PPP2R2B: variants seen among roughly 807,000 people sequenced by gnomAD.
The protein encoded by PPP2R2B is serine/threonine-protein phosphatase 2A 55 kDa regulatory subunit B beta isoform.
Under a neutral mutation model 46.0 loss-of-function variants are expected in PPP2R2B, and 5 were observed. The ratio of observed to expected loss-of-function variants is 0.11; its 90% CI spans 0.06 to 0.23. The LOEUF (loss-of-function observed/expected upper bound fraction) is 0.23, where lower values mean the gene tolerates loss of function less well. PPP2R2B is among the 10% of genes least tolerant of loss of function. The probability of loss-of-function intolerance (pLI) is 1.00; values close to 1 mark genes in which losing one functional copy is unlikely to be tolerated. For synonymous variants in PPP2R2B, 215 were observed against 206.7 expected, an observed-to-expected ratio of 1.04 and a Z score of -0.34; for missense variants, 367 against 575.0, an observed-to-expected ratio of 0.64 and a Z score of 3.70.
upstream of PPP2R2B, among the ~76,000 whole-genome samples, chr5:146,883,304 A>T (rs10035709): frequency 2.0e-3 from 299 of 152,322 alleles, 1 homozygote; most frequent in African/African-American, 6.8e-3. Flanking sequence ...TTTGGCTCAG[A>T]GCCAGCCTTC....
In PPP2R2B at chr5:147,054,484, T is replaced by TA. The variant is rs5872003; in HGVS notation, c.79+1180dup. 1.5e-4 allele frequency: 51 copies of TA among 344,404 alleles called. 1 individual carries two copies. The highest frequency in any genetic ancestry group is 1.1e-3 in the Admixed American group (30 of 28,412). The allele number at this position is 344,404 out of a possible 1,614,324, so 21.3% of individuals were successfully genotyped here. A position where few individuals can be genotyped will look rare whatever the true frequency, so the allele number is the denominator to read the frequency against. On this transcript the variant is annotated intron_variant, in intron 1 of 8. Transcript: ENST00000336640. ...ATTTTTAAAGGGAAATGTCCAACTG[T>TA]AAAAAAAAAGTCCATGAGATATCAA...
At chr5:146,665,268 TG>T (rs1362205610) in intron 5 of PPP2R2B, among the ~76,000 whole-genome samples, 7 of 152,228 alleles carry the variant, frequency 4.6e-5, no homozygotes, top group Non-Finnish European at 8.8e-5. Context: ...GAAGCTCTGT[TG>T]TTTAGTGTAG....
At chr5:146,622,315 T>C (rs573111689) in intron 7 of PPP2R2B, among the ~76,000 whole-genome samples, 15 of 152,352 alleles carry the variant, frequency 9.8e-5, no homozygotes, top group African/African-American at 2.4e-4. Flanking sequence ...AGACATTTCA[T>C]TGAATCTGCA....
At chr5:146,888,812 C>G (rs1191428631) in intron 1 of PPP2R2B, among the ~76,000 whole-genome samples, 2 of 152,194 alleles carry the variant, frequency 1.3e-5, no homozygotes, top group Non-Finnish European at 2.9e-5. Flanking sequence ...CTTATGTTCC[C>G]TCTCTTTCAG....
At chr5:146,953,156 A>G (rs992086673) in intron 1 of PPP2R2B, among the ~76,000 whole-genome samples, 8 of 152,208 alleles carry the variant, frequency 5.3e-5, no homozygotes, top group African/African-American at 4.8e-5. Flanking sequence ...AGAAATGCAC[A>G]TGAATCTGCA....
At chr5:146,677,946 G>C (rs1435632149) in intron 5 of PPP2R2B, among the ~76,000 whole-genome samples, 2 of 152,132 alleles carry the variant, frequency 1.3e-5, no homozygotes, top group Non-Finnish European at 2.9e-5. Flanking sequence ...ATAAGTGGCA[G>C]GTAAGATTAA....
chr5:146,955,452 T>C (rs1443006936), intron 1 of PPP2R2B, among the ~76,000 whole-genome samples: 1 of 152,218 alleles, frequency 6.6e-6, no homozygotes, highest in Non-Finnish European at 1.5e-5. Flanking sequence ...TTTTAAATTG[T>C]TCTGTAATGA....
At chr5:147,048,140 C>T (rs1216871349) in intron 1 of PPP2R2B, among the ~76,000 whole-genome samples, 1 of 152,070 alleles carries the variant, frequency 6.6e-6, no homozygotes, top group Non-Finnish European at 1.5e-5. Context: ...GAGTTGTGTG[C>T]GTATGCATTT....
intron 2 of PPP2R2B, among the ~76,000 whole-genome samples, chr5:146,802,588 C>T (rs1037773463): frequency 3.9e-5 from 6 of 152,124 alleles, no homozygotes; most frequent in Admixed American, 1.3e-4. Flanking sequence ...CAAATAGGCA[C>T]ATTTCAGCTT....
chr5:146,609,163 A>C (rs1772596964), intron 7 of PPP2R2B, among the ~76,000 whole-genome samples: 1 of 152,216 alleles, frequency 6.6e-6, no homozygotes, highest in African/African-American at 2.4e-5. Flanking sequence ...AATGAAGGAG[A>C]AAAACCCTCA....
intron 5 of PPP2R2B, among the ~76,000 whole-genome samples, chr5:146,686,809 C>T (rs533216857): frequency 4.6e-5 from 7 of 152,224 alleles, no homozygotes; most frequent in African/African-American, 1.7e-4. Context: ...GATTTCTCAC[C>T]ACCCAACTTC....
chr5:146,979,929 G>C (rs1753089847), intron 1 of PPP2R2B, among the ~76,000 whole-genome samples: 1 of 152,102 alleles, frequency 6.6e-6, no homozygotes, highest in East Asian at 1.9e-4. Flanking sequence ...AACCATGGCA[G>C]ATAAAAGGAG....
chr5:146,904,922 T>C (rs1582396628), intron 1 of PPP2R2B, among the ~76,000 whole-genome samples: 3 of 152,206 alleles, frequency 2.0e-5, no homozygotes, highest in South Asian at 4.1e-4. Context: ...AAGGAACTTA[T>C]ATTCAGCCTA....
At chr5:146,947,844 T>C (rs1045098518) in intron 1 of PPP2R2B, among the ~76,000 whole-genome samples, 7 of 151,802 alleles carry the variant, frequency 4.6e-5, no homozygotes, top group Non-Finnish European at 8.8e-5. Flanking sequence ...TTGCTTATGC[T>C]ACCACTTCAT....
At chr5:146,900,259 A>G (rs555355069) in intron 1 of PPP2R2B, among the ~76,000 whole-genome samples, 9 of 152,328 alleles carry the variant, frequency 5.9e-5, no homozygotes, top group Admixed American at 2.6e-4. Flanking sequence ...GTCAGAAAAC[A>G]TACCTGAGCC....
At chr5:146,665,284 C>A (rs771551485) in intron 5 of PPP2R2B, among the ~76,000 whole-genome samples, 6 of 152,186 alleles carry the variant, frequency 3.9e-5, no homozygotes, top group Non-Finnish European at 5.9e-5. Flanking sequence ...GTGTAGCCAC[C>A]GCCACCCATG....
intron 2 of PPP2R2B, among the ~76,000 whole-genome samples, chr5:146,841,024 T>A (rs1229152595): frequency 6.6e-6 from 1 of 151,928 alleles, no homozygotes; most frequent in African/African-American, 2.4e-5. Flanking sequence ...TGAACTAGAG[T>A]CTCTAATGTA....
intron 5 of PPP2R2B, among the ~76,000 whole-genome samples, chr5:146,659,397 G>A (rs971307006): frequency 5.3e-5 from 8 of 152,114 alleles, no homozygotes; most frequent in Admixed American, 3.9e-4. Flanking sequence ...GGTATAAGAG[G>A]GTTTTTAGAG....
chr5:146,832,458 G>A (rs534103778), intron 2 of PPP2R2B, among the ~76,000 whole-genome samples: 3 of 120,078 alleles, frequency 2.5e-5, no homozygotes, highest in Non-Finnish European at 4.8e-5. Context: ...GTGAAGCGAT[G>A]TTGGCTCACC....
Sources: gnomAD v4.1 joint callset for allele counts (sites outside exome capture counted in the v4.1 genomes callset) on GRCh38, gnomAD v4.1.1 for gene constraint, MANE v1.5 for transcripts, NCBI Gene and HGNC (gene_info 2026-07-23, HGNC 2026-07-21) for gene names.